The following SPIRE1 variants were observed in gnomAD, a reference collection of about 807,000 sequenced individuals.
The protein encoded by SPIRE1 is spire type actin nucleation factor 1.
In SPIRE1, 40 loss-of-function variants were observed where a neutral mutation model predicts 94.1. That is an observed-to-expected ratio of 0.43 (90% confidence interval 0.33 to 0.55). The LOEUF (loss-of-function observed/expected upper bound fraction) is 0.55, where lower values mean the gene tolerates loss of function less well. Among genes scored for constraint, SPIRE1 ranks in the 20% least tolerant of loss-of-function variants. The probability of loss-of-function intolerance (pLI) is 0.06; values close to 1 mark genes in which losing one functional copy is unlikely to be tolerated. For synonymous variants in SPIRE1, 376 were observed against 371.7 expected (o/e 1.01, Z -0.13); for missense variants, 838 against 975.2 (o/e 0.86, Z 1.87).
chr18:12,586,967 T>A (rs2036405720), intron 2 of SPIRE1, among the ~76,000 whole-genome samples: 1 of 152,248 alleles, frequency 6.6e-6, no homozygotes, highest in Non-Finnish European at 1.5e-5. Flanking sequence ...AGTTGACATT[T>A]ACTGAGCATG....
intron 5 of SPIRE1, among the ~76,000 whole-genome samples, chr18:12,506,848 G>A (rs2033852146): frequency 1.3e-5 from 2 of 152,150 alleles, no homozygotes; most frequent in Admixed American, 1.3e-4. Context: ...GAGGCACATG[G>A]GTTTAAACCT....
intron 4 of SPIRE1, among the ~76,000 whole-genome samples, chr18:12,524,729 G>C (rs185390818): frequency 2.0e-5 from 3 of 152,078 alleles, no homozygotes; most frequent in Non-Finnish European, 4.4e-5. Flanking sequence ...ATCTCAGTGC[G>C]TTGGGAAGGT....
At chr18:12,576,565 G>C (rs1409884079) in intron 2 of SPIRE1, among the ~76,000 whole-genome samples, 3 of 110,506 alleles carry the variant, frequency 2.7e-5, no homozygotes, top group African/African-American at 3.6e-5. Context: ...CTGGGCATCA[G>C]AAGGAGACTC....
intron 2 of SPIRE1, among the ~76,000 whole-genome samples, chr18:12,623,213 GC>G (rs1211725378): frequency 6.6e-6 from 1 of 151,956 alleles, no homozygotes; most frequent in African/African-American, 2.4e-5. Context: ...GAGTGCAGTG[GC>G]GTGATCTTGG....
At chr18:12,469,343 T>C (rs1251307819) in intron 10 of SPIRE1, among the ~76,000 whole-genome samples, 1 of 151,518 alleles carries the variant, frequency 6.6e-6, no homozygotes, top group African/African-American at 2.4e-5. Context: ...GCTGGGATTA[T>C]TGGCAAGTGC....
chr18:12,489,380 A>G (rs1434829228), intron 8 of SPIRE1, among the ~76,000 whole-genome samples: 1 of 152,210 alleles, frequency 6.6e-6, no homozygotes, highest in Non-Finnish European at 1.5e-5. Context: ...ATCTTCTCTA[A>G]TATCTTTTTA....
chr18:12,465,914 C>T (rs550348086), intron 10 of SPIRE1, among the ~76,000 whole-genome samples: 2 of 151,904 alleles, frequency 1.3e-5, no homozygotes, highest in East Asian at 3.9e-4. Context: ...TGAAACCTCA[C>T]CTCTACTAAA....
At chr18:12,594,460 A>C (rs2036618897) in intron 2 of SPIRE1, among the ~76,000 whole-genome samples, 1 of 152,224 alleles carries the variant, frequency 6.6e-6, no homozygotes, top group Non-Finnish European at 1.5e-5. Flanking sequence ...ATTTATTGAT[A>C]ATCTGTTACT....
At chr18:12,652,641 A>G (rs1212996803) in intron 1 of SPIRE1, among the ~76,000 whole-genome samples, 1 of 152,158 alleles carries the variant, frequency 6.6e-6, no homozygotes. Flanking sequence ...CATGCTAGCA[A>G]TTTGGCTCTA....
At chr18:12,520,979 T>C (rs2034340417) in intron 4 of SPIRE1, among the ~76,000 whole-genome samples, 2 of 152,180 alleles carry the variant, frequency 1.3e-5, no homozygotes, top group African/African-American at 2.4e-5. Flanking sequence ...CCTATGACAC[T>C]GGCGGATTTG....
intron 2 of SPIRE1, among the ~76,000 whole-genome samples, chr18:12,613,738 A>G (rs1326180854): frequency 6.6e-6 from 1 of 151,936 alleles, no homozygotes; most frequent in Admixed American, 6.6e-5. Flanking sequence ...CGTCTCTACT[A>G]AAAATACAAA....
intron 4 of SPIRE1, among the ~76,000 whole-genome samples, chr18:12,533,460 G>C (rs1279806841): frequency 6.6e-6 from 1 of 152,142 alleles, no homozygotes; most frequent in Non-Finnish European, 1.5e-5. Flanking sequence ...ACAAGGTTTA[G>C]AAAAAGGAAC....
Position 12,449,317 on chromosome 18 carries a change from TAGTC to T in SPIRE1, c.*317_*320del, listed in dbSNP as rs532602267. 6.4e-4 allele frequency: 184 copies of T among 288,358 alleles called. 1 individual carries two copies. The highest frequency in any genetic ancestry group is 1.4e-3 in the South Asian group (28 of 20,158). The allele number at this position is 288,358 out of a possible 1,614,324, so 17.9% of individuals were successfully genotyped here. ...TAGGAGAAGCTTTTTTTTTTTGCCT[TAGTC>T]AGGAGATTATTCGAGGAACAGTAAA... On this transcript the variant is annotated 3_prime_UTR_variant, in exon 17 of 17. Transcript: ENST00000409402.
chr18:12,590,901 G>A (rs2036516822), intron 2 of SPIRE1, among the ~76,000 whole-genome samples: 1 of 152,092 alleles, frequency 6.6e-6, no homozygotes, highest in Admixed American at 6.6e-5. Flanking sequence ...ATTCACTGAG[G>A]TAGTACTTAG....
chr18:12,584,972 A>C (rs192438225), intron 2 of SPIRE1, among the ~76,000 whole-genome samples: 2 of 151,968 alleles, frequency 1.3e-5, no homozygotes, highest in Admixed American at 1.3e-4. Context: ...TGCCTGGCTA[A>C]ATTTTGTATT....
intron 1 of SPIRE1, among the ~76,000 whole-genome samples, chr18:12,653,707 G>C (rs1199690143): frequency 6.6e-6 from 1 of 152,212 alleles, no homozygotes; most frequent in African/African-American, 2.4e-5. Context: ...CAGCACTTTG[G>C]GAGGCCAAGG....
chr18:12,548,769 G>C lies in SPIRE1; in HGVS notation c.373-1865C>G, dbSNP rs570487338. On this transcript the variant is annotated intron_variant, in intron 2 of 16. Coordinates refer to ENST00000409402, the MANE Select transcript of SPIRE1 (RefSeq NM_001128626.2). ...CTGGGAAAACAGGTACACACCACCA[G>C]GCCTGGCTAATTTTTTTTGGAATTT... Among the ~76,000 whole-genome samples the C allele has an allele frequency of 5.3e-5, 8 of 151,802 alleles. No individual in the cohort carries two copies. The South Asian group carries it at 1.5e-3, about 28-fold the overall frequency.
intron 2 of SPIRE1, among the ~76,000 whole-genome samples, chr18:12,621,519 C>T (rs1196495988): frequency 6.6e-6 from 1 of 152,146 alleles, no homozygotes; most frequent in South Asian, 2.1e-4. Flanking sequence ...TATATCCATA[C>T]TATGGAATAT....
chr18:12,524,249 C>G (rs957290923), intron 4 of SPIRE1, among the ~76,000 whole-genome samples: 2 of 152,140 alleles, frequency 1.3e-5, no homozygotes, highest in Non-Finnish European at 2.9e-5. Context: ...ATTGTAATGT[C>G]TGGTCAAATA....
Sources: gnomAD v4.1 joint callset for allele counts (sites outside exome capture counted in the v4.1 genomes callset) on GRCh38, gnomAD v4.1.1 for gene constraint, MANE v1.5 for transcripts, NCBI Gene and HGNC (gene_info 2026-07-23, HGNC 2026-07-21) for gene names.